HABP2: variants seen among roughly 807,000 people sequenced by gnomAD.
HABP2 encodes the protein hyaluronan binding protein 2.
A neutral mutation model predicts 66.5 loss-of-function variants in HABP2; 65 were observed. That is an observed-to-expected ratio of 0.98 (90% confidence interval 0.80 to 1.20). The LOEUF is 1.20. Among genes scored for constraint, HABP2 ranks in the 50% most tolerant of loss-of-function variants. The pLI is 0.00. For synonymous variants in HABP2, 263 were observed against 253.9 expected (o/e 1.04, Z -0.34); for missense variants, 786 against 691.0 (o/e 1.14, Z -1.54).
At chr10:113,581,765 G>C in intron 8 of HABP2, 111 bp from the exon 9 acceptor site, 1 of 1,076,626 alleles carries the variant, frequency 9.3e-7, no homozygotes. Flanking sequence ...CAGTCTCTCA[G>C]CTCTGGACCC....
chr10:113,572,763 G>T, intron 2 of HABP2: 1 of 444,168 alleles, frequency 2.3e-6, no homozygotes, highest in Non-Finnish European at 4.5e-6. Flanking sequence ...TTCATAGTGG[G>T]GAAAAGCACT....
At position 113,553,120 on chromosome 10, in the gene HABP2, A is replaced by G. The variant is rs1374534230; in HGVS notation, c.-2A>G. On this transcript the variant is annotated 5_prime_UTR_variant, in exon 1 of 13. Coordinates refer to ENST00000351270, the MANE Select transcript of HABP2 (RefSeq NM_004132.5). ...GAAAACACAAGTCCTTAAACTGCAAAGATGTTTGCCAGGATGTCTGATCTC... is the reference window on the plus strand; with the variant it reads ...GAAAACACAAGTCCTTAAACTGCAAGGATGTTTGCCAGGATGTCTGATCTC... The G allele has an allele frequency of 1.2e-6, 2 of 1,612,622 alleles. No individual in the cohort carries two copies. The highest frequency in any genetic ancestry group is 1.7e-6 in the Non-Finnish European group (2 of 1,178,586).
chr10:113,553,237 A>T, intron 1 of HABP2, 47 bp downstream of exon 1: 1 of 1,342,260 alleles, frequency 7.5e-7, no homozygotes, highest in Non-Finnish European at 1.1e-6. Flanking sequence ...TCCGAAGTTT[A>T]CTAGGAGGAC....
chr10:113,584,052 G>A, intron 10 of HABP2, 96 bp from the exon 11 acceptor site: 2 of 1,023,384 alleles, frequency 2.0e-6, no homozygotes, highest in Non-Finnish European at 3.0e-6. Flanking sequence ...GGCAGGTGGG[G>A]CTTTGCTGTG....
chr10:113,563,730 G>T (rs989688831), intron 1 of HABP2, among the ~76,000 whole-genome samples: 1 of 152,208 alleles, frequency 6.6e-6, no homozygotes, highest in African/African-American at 2.4e-5. Flanking sequence ...TGCAGGTCCT[G>T]GAGGGCCCTT....
At chr10:113,587,968 G>A (rs919767807) in intron 12 of HABP2, among the ~76,000 whole-genome samples, 6 of 151,840 alleles carry the variant, frequency 4.0e-5, no homozygotes, top group African/African-American at 7.3e-5. Context: ...GCAGCTGTGC[G>A]GCTCCTCTGT....
intron 1 of HABP2, among the ~76,000 whole-genome samples, chr10:113,566,912 A>T (rs1437304575): frequency 1.3e-5 from 2 of 152,156 alleles, no homozygotes; most frequent in Non-Finnish European, 2.9e-5. Context: ...TTTGTAGGTC[A>T]TGGCAGGTGT....
intron 12 of HABP2, among the ~76,000 whole-genome samples, chr10:113,587,316 CAAAAAAACAAAAACAAACAAACAA>C (rs1845661051): frequency 7.0e-6 from 1 of 142,046 alleles, no homozygotes; most frequent in Admixed American, 7.4e-5. Flanking sequence ...GACCCTGTCT[CAAAAAAACAAAAACAAACAAACAA>C]AAAAAAACCT....
At chr10:113,564,237 C>A (rs1845155620) in intron 1 of HABP2, among the ~76,000 whole-genome samples, 1 of 152,104 alleles carries the variant, frequency 6.6e-6, no homozygotes, top group African/African-American at 2.4e-5. Flanking sequence ...ACAGGAAAAA[C>A]ACACCCCCAT....
chr10:113,577,998 C>G, intron 5 of HABP2, 28 bp from the exon 6 acceptor site: 1 of 1,610,920 alleles, frequency 6.2e-7, no homozygotes, highest in Non-Finnish European at 8.5e-7. Flanking sequence ...TCTGAAGAGC[C>G]TTCCTGGCCC....
rs140456899 is a variant in HABP2, at chr10:113,560,950, G to T, written c.70-6539G>T. Reference sequence around the variant, plus strand: ...GTTTGGGGATTAGAGAGTGGTGATGGGTACACAGCATTGTGAATGTAATTA... The same window carrying T: ...GTTTGGGGATTAGAGAGTGGTGATGTGTACACAGCATTGTGAATGTAATTA... On this transcript the variant is annotated intron_variant, in intron 1 of 12. Coordinates refer to ENST00000351270, the MANE Select transcript of HABP2 (RefSeq NM_004132.5). 1.0e-3 allele frequency among the ~76,000 whole-genome samples: 158 copies of T among 152,260 alleles called. 1 individual carries two copies. Among genetic ancestry groups the T allele is most frequent in the African/African-American group, 3.6e-3 (150 of 41,536 alleles).
At chr10:113,585,623 A>G (rs536443447) in intron 11 of HABP2, among the ~76,000 whole-genome samples, 170 bp from the exon 12 acceptor site, 146 of 152,306 alleles carry the variant, frequency 9.6e-4, no homozygotes, top group Non-Finnish European at 1.5e-3. Context: ...GCAGGTCTGC[A>G]CTGGCATGGT....
In HABP2 at chr10:113,588,327, G is replaced by A. The variant is rs1157582304; in HGVS notation, c.1641G>A (p.Leu547=). Residue 547 remains leucine, a synonymous_variant, in exon 13 of 13, where the codon CTG becomes CTA. Coordinates refer to ENST00000351270, the MANE Select transcript of HABP2 (RefSeq NM_004132.5). The part of the protein sequence containing the change: ...PGVYTQVTKF[L]NWIKATIKSE... ...TCTACACCCAAGTTACCAAATTCCT[G>A]AATTGGATCAAAGCCACCATCAAAA... is the stretch of plus-strand genomic sequence containing the variant. The A allele has an allele frequency of 6.2e-7, 1 of 1,613,760 alleles. No homozygotes were observed. Among genetic ancestry groups the A allele is most frequent in the Admixed American group, 1.7e-5 (1 of 59,982 alleles).
Position 113,585,921 on chromosome 10 carries a change from G to C in HABP2, c.1501G>C (p.Gly501Arg), listed in dbSNP as rs754176299. ...CTGTGCAGGAAATCTTCAGAAACCT[G>C]GGCAAGACACCTGCCAGGTCAGAGA... ...MICAGNLQKP[G>R]QDTCQGDSGG... Residue 501 changes from glycine (G) to arginine (R), a missense_variant, in exon 12 of 13, where the codon GGG becomes CGG. Coordinates refer to ENST00000351270, the MANE Select transcript of HABP2 (RefSeq NM_004132.5). The C allele has an allele frequency of 1.2e-6, 2 of 1,613,894 alleles. No individual in the cohort carries two copies. Among genetic ancestry groups the C allele is most frequent in the African/African-American group, 2.7e-5 (2 of 74,900 alleles).
At chr10:113,579,913 G>T (rs1458150293) in intron 7 of HABP2, among the ~76,000 whole-genome samples, 1 of 152,102 alleles carries the variant, frequency 6.6e-6, no homozygotes, top group Non-Finnish European at 1.5e-5. Context: ...CTTCCAAGTA[G>T]CTGGGATTAC....
chr10:113,584,003 A>G, intron 10 of HABP2, 145 bp from the exon 11 acceptor site: 1 of 632,484 alleles, frequency 1.6e-6, no homozygotes, highest in South Asian at 2.1e-5. Flanking sequence ...AGTTCAAAAT[A>G]TGAAATGACC....
chr10:113,555,760 T>G (rs1844980983), intron 1 of HABP2, among the ~76,000 whole-genome samples: 1 of 152,204 alleles, frequency 6.6e-6, no homozygotes, highest in South Asian at 2.1e-4. Flanking sequence ...TATCCCTGTT[T>G]TATGGATGAG....
chr10:113,551,160 T>C (rs530813912), upstream of HABP2, among the ~76,000 whole-genome samples: 1 of 152,356 alleles, frequency 6.6e-6, no homozygotes, highest in East Asian at 1.9e-4. Flanking sequence ...TCATCCAACA[T>C]AAACTTATTG....
Position 113,585,892 on chromosome 10 carries a change from T to C in HABP2, c.1472T>C (p.Met491Thr). ...QLYDHMIDDS[M>T]ICAGNLQKPG... ...TATGACCACATGATTGATGACAGTATGATCTGTGCAGGAAATCTTCAGAAA... is the reference window on the plus strand; with the variant it reads ...TATGACCACATGATTGATGACAGTACGATCTGTGCAGGAAATCTTCAGAAA... The change falls in exon 12 of 13, where the codon ATG (methionine) becomes ACG (threonine). Residue 491 changes from methionine (M) to threonine (T), a missense_variant. Met to Thr is a moderately conservative substitution (Grantham distance 81). Transcript: ENST00000351270. 1 of 1,613,894 alleles carries C rather than the reference T, an allele frequency of 6.2e-7. No homozygotes were observed. Among genetic ancestry groups the C allele is most frequent in the Non-Finnish European group, 8.5e-7 (1 of 1,179,726 alleles).
Sources: gnomAD v4.1 joint callset for allele counts (sites outside exome capture counted in the v4.1 genomes callset) on GRCh38, gnomAD v4.1.1 for gene constraint, MANE v1.5 for transcripts, NCBI Gene and HGNC (gene_info 2026-07-23, HGNC 2026-07-21) for gene names.